Variants in GSE1 observed in about 807,000 individuals in gnomAD.
GSE1 encodes the protein genetic suppressor element 1.
Under a neutral mutation model 112.6 loss-of-function variants are expected in GSE1, and 32 were observed. That is an observed-to-expected ratio of 0.28 (90% CI 0.21 to 0.38). GSE1 has a LOEUF of 0.38. Among genes scored for constraint, GSE1 ranks in the 10% least tolerant of loss-of-function variants. GSE1 has a pLI of 1.00. For missense variants in GSE1, 2,348 were observed against 1,699.2 expected (o/e 1.38, Z -6.71); for synonymous variants, 1,115 against 735.6 (o/e 1.52, Z -8.35).
In GSE1 at chr16:85,384,888, G is replaced by T. The variant is rs374611843; in HGVS notation, c.2464+27245G>T. On this transcript the variant is annotated intron_variant, in intron 2 of 2. Coordinates refer to the GSE1 transcript ENST00000637419. ...TGCTGGGCTTTTCTGCACCCTGGGG[G>T]CCCTCAGGCAAGCAGCCAAGCAGGT... is the stretch of plus-strand genomic sequence containing the variant. Among the ~76,000 whole-genome samples the T allele has an allele frequency of 3.9e-5, 6 of 152,336 alleles. No homozygotes were observed. In the South Asian group the frequency reaches 1.2e-3, roughly 32 times the overall value.
intron 2 of GSE1, among the ~76,000 whole-genome samples, chr16:85,398,188 G>C (rs927216679): frequency 6.6e-6 from 1 of 152,306 alleles, no homozygotes; most frequent in South Asian, 2.1e-4. Context: ...TGGGATCACA[G>C]GTTCCCAGGA....
At chr16:85,621,995 C>G (rs964870263) in intron 1 of GSE1, among the ~76,000 whole-genome samples, 1 of 152,228 alleles carries the variant, frequency 6.6e-6, no homozygotes, top group Non-Finnish European at 1.5e-5. Context: ...ACAGCCAGGT[C>G]TGCACCTGAC....
At chr16:85,423,033 C>T (rs112891212) in intron 2 of GSE1, among the ~76,000 whole-genome samples, 2,572 of 152,336 alleles carry the variant, frequency 0.017, 36 homozygotes, top group Non-Finnish European at 0.023. Flanking sequence ...CCACACATCC[C>T]TGCCCAAGGA....
chr16:85,570,647 T>C (rs1488949995), intron 1 of GSE1, among the ~76,000 whole-genome samples: 4 of 152,084 alleles, frequency 2.6e-5, no homozygotes, highest in African/African-American at 4.8e-5. Flanking sequence ...GTGGGAGGAA[T>C]AGGAACGCAA....
At chr16:85,296,245 A>G (rs1300013458) in intron 1 of GSE1, among the ~76,000 whole-genome samples, 2 of 152,126 alleles carry the variant, frequency 1.3e-5, no homozygotes, top group Non-Finnish European at 2.9e-5. Flanking sequence ...ACCACCTCCC[A>G]CGCACGGCTC....
chr16:85,480,852 G>A lies in GSE1; in HGVS notation c.2464+123209G>A, dbSNP rs574533291. Among the ~76,000 whole-genome samples the A allele has an allele frequency of 4.6e-5, 7 of 152,290 alleles. No homozygotes were observed. In the South Asian group the frequency reaches 1.5e-3, roughly 32 times the overall value. On this transcript the variant is annotated intron_variant, in intron 2 of 2. Transcript: ENST00000637419. ...TTTGACCTGAGGCCCAGAGACCTCT[G>A]CTTGCCTCCCTGCACTCCTGAAATA... is the stretch of plus-strand genomic sequence containing the variant.
chr16:85,376,530 G>A (rs1411486431), intron 2 of GSE1, among the ~76,000 whole-genome samples: 1 of 152,220 alleles, frequency 6.6e-6, no homozygotes, highest in Admixed American at 6.5e-5. Context: ...TGGGCTGGGG[G>A]CTCTGCCCTC....
In GSE1 at chr16:85,443,045, G is replaced by A. The variant is rs75119477; in HGVS notation, c.2464+85402G>A. On this transcript the variant is annotated intron_variant, in intron 2 of 2. Coordinates refer to the GSE1 transcript ENST00000637419. Reference sequence around the variant, plus strand: ...TTTTAAGGACACCTGTCATTGGATCGAGGGCCCACCCTACAGTGGCATGGT... The same window carrying A: ...TTTTAAGGACACCTGTCATTGGATCAAGGGCCCACCCTACAGTGGCATGGT... 5.0e-3 allele frequency among the ~76,000 whole-genome samples: 756 copies of A among 152,334 alleles called. 7 individuals carry two copies. Among genetic ancestry groups the A allele is most frequent in the African/African-American group, 0.017 (724 of 41,576 alleles).
intron 1 of GSE1, among the ~76,000 whole-genome samples, chr16:85,587,060 C>T (rs1598287190): frequency 6.6e-6 from 1 of 152,056 alleles, no homozygotes; most frequent in African/African-American, 2.4e-5. Context: ...GGTGGGGGCA[C>T]CTCCATCTCT....
rs111991137 is a variant in GSE1 at position 85,485,207 on chromosome 16, A to G, written c.2464+127564A>G. On this transcript the variant is annotated intron_variant, in intron 2 of 2. Coordinates refer to the GSE1 transcript ENST00000637419. ...GGAGCGACAGCCTGTGCCCGGAGAT[A>G]GGCACCCCAGGGCCACCCACTCACG... Among the ~76,000 whole-genome samples, 1,204 of 152,366 alleles carry G rather than the reference A, an allele frequency of 7.9e-3. 16 individuals carry two copies. Among genetic ancestry groups the G allele is most frequent in the African/African-American group, 0.028 (1,149 of 41,588 alleles).
intron 11 of GSE1, among the ~76,000 whole-genome samples, chr16:85,664,230 G>C (rs2052656042): frequency 6.6e-6 from 1 of 152,274 alleles, no homozygotes; most frequent in South Asian, 2.1e-4. Flanking sequence ...TTGGTGCCCA[G>C]ATGTTGACGT....
chr16:85,547,872 C>G lies in GSE1; in HGVS notation c.2465-86042C>G, dbSNP rs530846544. 6.7e-5 allele frequency among the ~76,000 whole-genome samples: 8 copies of G among 118,526 alleles called. No individual in the cohort carries two copies. In the South Asian group the frequency reaches 2.1e-3, roughly 31 times the overall value. The allele number at this position is 118,526 out of a possible 152,430, so 77.8% of individuals were successfully genotyped here. A position where few individuals can be genotyped will look rare whatever the true frequency, so the allele number is the denominator to read the frequency against. On this transcript the variant is annotated intron_variant, in intron 2 of 2. Coordinates refer to the GSE1 transcript ENST00000637419. ...CCAGCCTGGGTGACAGAATGAGTCT[C>G]TGTCTCAAAAAAAAAAAAAAAAAAA...
At chr16:85,420,542 G>T (rs1014307505) in intron 2 of GSE1, among the ~76,000 whole-genome samples, 1 of 152,086 alleles carries the variant, frequency 6.6e-6, no homozygotes, top group Non-Finnish European at 1.5e-5. Context: ...TTGCTCTCTG[G>T]TCACTCAGGG....
intron 2 of GSE1, among the ~76,000 whole-genome samples, chr16:85,384,783 G>A (rs978242263): frequency 3.3e-5 from 5 of 151,926 alleles, no homozygotes; most frequent in Non-Finnish European, 5.9e-5. Context: ...TGGAGGCGTG[G>A]AGGACTGGAA....
intron 1 of GSE1, among the ~76,000 whole-genome samples, chr16:85,173,045 G>C (rs779348395): frequency 7.9e-5 from 12 of 152,192 alleles, no homozygotes; most frequent in Non-Finnish European, 1.5e-4. Context: ...GGATGAGCAC[G>C]TCGTCTCCCG....
At chr16:85,326,759 G>T (rs1223715503) in intron 1 of GSE1, among the ~76,000 whole-genome samples, 3 of 152,208 alleles carry the variant, frequency 2.0e-5, no homozygotes, top group Non-Finnish European at 2.9e-5. Context: ...TGTGGTTTCA[G>T]CTCCTGTCCA....
Position 85,656,668 on chromosome 16 carries a change from A to G in GSE1, c.1312+3A>G, listed in dbSNP as rs1420871198. On this transcript the variant is annotated splice_donor_region_variant and intron_variant, in intron 7 of 15. Transcript: ENST00000253458. Reference sequence around the variant, plus strand: ...GCAGCTGACCCCAACCCGAGCAGGTACCTGGGCGTGGGTGGGCTGTGCTGG... The same window carrying G: ...GCAGCTGACCCCAACCCGAGCAGGTGCCTGGGCGTGGGTGGGCTGTGCTGG... The G allele has an allele frequency of 2.0e-6, 3 of 1,506,422 alleles. No homozygotes were observed. Among genetic ancestry groups the G allele is most frequent in the East Asian group, 2.5e-5 (1 of 40,436 alleles). 93.3% of individuals were successfully genotyped at this position (1,506,422 alleles called of 1,614,324 possible). A position where few individuals can be genotyped will look rare whatever the true frequency, so the allele number is the denominator to read the frequency against.
intron 1 of GSE1, among the ~76,000 whole-genome samples, chr16:85,248,478 C>T (rs1387619523): frequency 4.6e-5 from 7 of 151,944 alleles, no homozygotes; most frequent in African/African-American, 1.5e-4. Context: ...TTCCCTCCGT[C>T]TTTCTCTCTC....
At position 85,558,115 on chromosome 16, in the gene GSE1, C is replaced by A. The variant is rs772163860; in HGVS notation, c.37+1752C>A. 2.0e-5 allele frequency among the ~76,000 whole-genome samples: 3 copies of A among 152,254 alleles called. No individual in the cohort carries two copies. The South Asian group carries it at 6.2e-4, about 32-fold the overall frequency. ...GGTTGTAAGGGGAGGGCGGAGTGAG[C>A]CCTTGGGAACTCAGAGCTATCTCTC... On this transcript the variant is annotated intron_variant, in intron 1 of 2. Coordinates refer to the GSE1 transcript ENST00000635906.
Sources: gnomAD v4.1 joint callset for allele counts (sites outside exome capture counted in the v4.1 genomes callset) on GRCh38, gnomAD v4.1.1 for gene constraint, MANE v1.5 for transcripts, NCBI Gene and HGNC (gene_info 2026-07-23, HGNC 2026-07-21) for gene names.